The following TMEM117 variants were observed in gnomAD, a reference collection of about 807,000 sequenced individuals.
TMEM117 encodes transmembrane protein 117.
TMEM117 carries 27 observed loss-of-function variants against 52.4 expected under a neutral mutation model. The ratio of observed to expected loss-of-function variants is 0.51; its 90% confidence interval spans 0.38 to 0.71. The LOEUF (loss-of-function observed/expected upper bound fraction) is 0.71, where lower values mean the gene tolerates loss of function less well. Among genes scored for constraint, TMEM117 ranks in the 30% least tolerant of loss-of-function variants. The pLI, the probability that TMEM117 is intolerant of heterozygous loss-of-function variation, is 0.00. For synonymous variants in TMEM117, 215 were observed against 206.3 expected, an observed-to-expected ratio of 1.04 and a Z score of -0.36; for missense variants, 556 against 630.5, an observed-to-expected ratio of 0.88 and a Z score of 1.26.
At chr12:43,923,293 C>T (rs1052785758) in intron 2 of TMEM117, among the ~76,000 whole-genome samples, 8 of 152,076 alleles carry the variant, frequency 5.3e-5, no homozygotes, top group African/African-American at 1.2e-4. Flanking sequence ...GTGGATTTAT[C>T]CCAACATATT....
At chr12:44,286,381 TAGAA>T in intron 5 of TMEM117, among the ~76,000 whole-genome samples, 1 of 151,818 alleles carries the variant, frequency 6.6e-6, no homozygotes, top group Admixed American at 6.6e-5. Context: ...CTATTTTTGA[TAGAA>T]AAAAATCGTC....
intron 3 of TMEM117, among the ~76,000 whole-genome samples, chr12:44,040,812 T>C (rs1946785141): frequency 6.6e-6 from 1 of 152,248 alleles, no homozygotes; most frequent in Non-Finnish European, 1.5e-5. Context: ...GATAAAAATT[T>C]GTTTTTATTA....
intron 3 of TMEM117, among the ~76,000 whole-genome samples, chr12:43,968,703 A>T (rs936366831): frequency 3.4e-5 from 5 of 147,052 alleles, no homozygotes; most frequent in East Asian, 2.0e-4. Flanking sequence ...TTGCAGAATT[A>T]AAAAAAAAAA....
In TMEM117 at chr12:44,347,639, T is replaced by C. The variant is rs561485954; in HGVS notation, c.769-28956T>C. On this transcript the variant is annotated intron_variant, in intron 6 of 7. Transcript: ENST00000266534. ...AATTTAAGATGGTAACAATCTTCAG[T>C]GCAGCTGTCCCTTCTCTCTTGGGAA... Among the ~76,000 whole-genome samples, 3 of 152,176 alleles carry C rather than the reference T, an allele frequency of 2.0e-5. No homozygotes were observed. The East Asian group carries it at 5.8e-4, about 30-fold the overall frequency.
At chr12:44,175,048 T>C (rs1160362160) in intron 4 of TMEM117, among the ~76,000 whole-genome samples, 3 of 152,186 alleles carry the variant, frequency 2.0e-5, no homozygotes, top group Non-Finnish European at 2.9e-5. Context: ...GCTGGAGCGG[T>C]TGAAGGACCA....
chr12:43,847,109 T>G (rs1943223555), intron 2 of TMEM117, among the ~76,000 whole-genome samples: 1 of 152,088 alleles, frequency 6.6e-6, no homozygotes, highest in African/African-American at 2.4e-5. Flanking sequence ...GGGCAGATAG[T>G]TTTATTTGGG....
At chr12:44,002,995 T>C (rs929301225) in intron 3 of TMEM117, among the ~76,000 whole-genome samples, 6 of 152,164 alleles carry the variant, frequency 3.9e-5, no homozygotes, top group African/African-American at 7.2e-5. Flanking sequence ...GCCTTTAACT[T>C]ACTTGACAAA....
At chr12:44,130,257 ATAT>A (rs1219094848) in intron 3 of TMEM117, among the ~76,000 whole-genome samples, 2 of 152,190 alleles carry the variant, frequency 1.3e-5, no homozygotes, top group East Asian at 1.9e-4. Flanking sequence ...TTGTTATAAA[ATAT>A]TATTAAGTGG....
the TMEM117 span, among the ~76,000 whole-genome samples, chr12:43,830,608 C>A: frequency 8.2e-6 from 1 of 121,670 alleles, no homozygotes; most frequent in East Asian, 2.1e-4. Context: ...AGACACTTGT[C>A]TCAAAAAAAA....
intron 6 of TMEM117, among the ~76,000 whole-genome samples, chr12:44,335,018 G>T (rs1159454292): frequency 6.6e-6 from 1 of 152,042 alleles, no homozygotes; most frequent in East Asian, 1.9e-4. Context: ...TCCAGAAATT[G>T]TCATGGAAAA....
chr12:43,969,445 C>T (rs1028368527), intron 3 of TMEM117, among the ~76,000 whole-genome samples: 5 of 151,164 alleles, frequency 3.3e-5, no homozygotes, highest in African/African-American at 9.8e-5. Flanking sequence ...TTGCTTGAAC[C>T]TGGGAGGCGG....
At chr12:44,010,843 G>A (rs1242076402) in intron 3 of TMEM117, among the ~76,000 whole-genome samples, 2 of 152,052 alleles carry the variant, frequency 1.3e-5, no homozygotes, top group East Asian at 3.9e-4. Context: ...ATACAAAACT[G>A]TATCTAAACA....
intron 6 of TMEM117, among the ~76,000 whole-genome samples, chr12:44,308,517 A>T (rs538630921): frequency 6.6e-6 from 1 of 152,226 alleles, no homozygotes; most frequent in African/African-American, 2.4e-5. Flanking sequence ...TGGCACCCAA[A>T]CTCAGAGCAC....
intron 1 of TMEM117, among the ~76,000 whole-genome samples, chr12:43,843,712 C>A (rs1454068281): frequency 1.3e-5 from 2 of 152,288 alleles, no homozygotes; most frequent in African/African-American, 4.8e-5. Context: ...TTGGGGATAT[C>A]CTTTGTGAAA....
intron 3 of TMEM117, among the ~76,000 whole-genome samples, chr12:44,078,329 G>C (rs1386365754): frequency 1.3e-5 from 2 of 152,170 alleles, no homozygotes; most frequent in Non-Finnish European, 1.5e-5. Context: ...ACCATATCAA[G>C]TAATTTGAAC....
At chr12:43,806,082 C>T in the TMEM117 span, 5 of 1,517,874 alleles carry the variant, frequency 3.3e-6, no homozygotes, top group African/African-American at 1.4e-5. Flanking sequence ...CGCGGAGAGG[C>T]GCCGAGGCCC....
At chr12:43,930,446 G>A (rs1944853321) in intron 2 of TMEM117, among the ~76,000 whole-genome samples, 1 of 152,144 alleles carries the variant, frequency 6.6e-6, no homozygotes, top group Non-Finnish European at 1.5e-5. Context: ...ACTGCCTCAA[G>A]CTCTAAGCCA....
At chr12:43,986,043 G>A (rs1439051946) in intron 3 of TMEM117, among the ~76,000 whole-genome samples, 1 of 152,096 alleles carries the variant, frequency 6.6e-6, no homozygotes, top group Non-Finnish European at 1.5e-5. Flanking sequence ...ATCAAAGTCT[G>A]AATGAATGAT....
chr12:44,048,842 A>C (rs1398029545), intron 3 of TMEM117, among the ~76,000 whole-genome samples: 1 of 152,246 alleles, frequency 6.6e-6, no homozygotes, highest in Non-Finnish European at 1.5e-5. Flanking sequence ...TTTCTTTAAG[A>C]TAAAAGAAAG....
Sources: gnomAD v4.1 joint callset for allele counts (sites outside exome capture counted in the v4.1 genomes callset) on GRCh38, gnomAD v4.1.1 for gene constraint, MANE v1.5 for transcripts, NCBI Gene and HGNC (gene_info 2026-07-23, HGNC 2026-07-21) for gene names.